FAAP20: variants seen among roughly 807,000 people sequenced by gnomAD.
FAAP20 encodes the protein Fanconi anemia core complex-associated protein 20.
FAAP20 carries 12 observed loss-of-function variants against 16.2 expected under a neutral mutation model. That is an observed-to-expected ratio of 0.74 (90% CI 0.48 to 1.20). The LOEUF is 1.20. Ranked by LOEUF, FAAP20 falls within the 50% of genes most tolerant of loss-of-function variation. FAAP20 has a pLI of 0.00. For synonymous variants in FAAP20, 141 were observed against 110.7 expected (o/e 1.27, Z -1.72); for missense variants, 288 against 245.8 (o/e 1.17, Z -1.15).
downstream of FAAP20, among the ~76,000 whole-genome samples, chr1:2,210,577 G>T (rs920387472): frequency 6.6e-6 from 1 of 152,220 alleles, no homozygotes; most frequent in African/African-American, 2.4e-5. Context: ...GGGGCTGGGT[G>T]GGGGTGGCTC....
chr1:2,204,168 C>T (rs555286200), upstream of FAAP20, among the ~76,000 whole-genome samples: 1 of 152,372 alleles, frequency 6.6e-6, no homozygotes, highest in Admixed American at 6.5e-5. Flanking sequence ...CAGGCCAACA[C>T]CCAGCGGCTG....
downstream of FAAP20, among the ~76,000 whole-genome samples, chr1:2,209,951 ACGCTCACGGGGCCT>A (rs1553187344): frequency 2.6e-5 from 4 of 152,092 alleles, no homozygotes; most frequent in Non-Finnish European, 5.9e-5. Flanking sequence ...GGGCACTGAA[ACGCTCACGGGGCCT>A]CTGTCCCACT....
upstream of FAAP20, chr1:2,201,084 CTG>C (rs1689030594): frequency 2.3e-6 from 3 of 1,289,222 alleles, no homozygotes; most frequent in Admixed American, 4.6e-5. Context: ...TCATAGGAAA[CTG>C]TGCTTGGTGC....
downstream of FAAP20, among the ~76,000 whole-genome samples, chr1:2,188,689 G>C (rs186367800): frequency 2.4e-3 from 367 of 152,292 alleles, 1 homozygote; most frequent in African/African-American, 8.2e-3. Flanking sequence ...AGCTGCAGCT[G>C]CAAGTTCATT....
At chr1:2,194,320 G>A in intron 1 of FAAP20, 187 bp from the exon 2 acceptor site, 1 of 301,700 alleles carries the variant, frequency 3.3e-6, no homozygotes. Context: ...GGAGATGAGG[G>A]GTACTGGGGG....
upstream of FAAP20, chr1:2,198,571 G>C (rs549563412): frequency 1.2e-6 from 1 of 848,124 alleles, no homozygotes; most frequent in Non-Finnish European, 1.6e-6. Context: ...CTAAGACAGC[G>C]GTGACGGGCC....
At chr1:2,189,025 A>C (rs1438348713), downstream of FAAP20, among the ~76,000 whole-genome samples, 3 of 142,672 alleles carry the variant, frequency 2.1e-5, no homozygotes, top group Admixed American at 6.9e-5. Context: ...AAAAAAAAAA[A>C]AAACAAAAAG....
downstream of FAAP20, chr1:2,186,993 G>A: frequency 3.3e-6 from 1 of 302,494 alleles, no homozygotes; most frequent in East Asian, 9.9e-5. Flanking sequence ...AGTGTGGTTT[G>A]AAAAATCCTG....
At chr1:2,211,933 T>G (rs865996842), downstream of FAAP20, among the ~76,000 whole-genome samples, 5 of 138,968 alleles carry the variant, frequency 3.6e-5, no homozygotes, top group African/African-American at 1.1e-4. Flanking sequence ...GACGGAGTCT[T>G]GCTTTGTCGC....
At chr1:2,186,226 T>A (rs927680002), downstream of FAAP20, 1 of 312,070 alleles carries the variant, frequency 3.2e-6, no homozygotes, top group African/African-American at 2.2e-5. Context: ...CAGGGGCCGC[T>A]CCACCCCATT....
At chr1:2,211,665 G>T (rs2100772430), downstream of FAAP20, among the ~76,000 whole-genome samples, 1 of 150,794 alleles carries the variant, frequency 6.6e-6, no homozygotes, top group South Asian at 2.1e-4. Context: ...TAGCCAGGAT[G>T]GTCTCCATCT....
chr1:2,188,973 C>G (rs552427325), downstream of FAAP20, among the ~76,000 whole-genome samples: 1 of 149,304 alleles, frequency 6.7e-6, no homozygotes, highest in East Asian at 2.0e-4. Context: ...CCACTGCACT[C>G]CAGCCTGGGC....
At chr1:2,188,559 G>T (rs1479843040), downstream of FAAP20, among the ~76,000 whole-genome samples, 2 of 152,152 alleles carry the variant, frequency 1.3e-5, no homozygotes, top group Non-Finnish European at 2.9e-5. Context: ...CCATCGAGAG[G>T]CGCCGCCCCG....
At chr1:2,190,010 C>T (rs1688003011) in intron 3 of FAAP20, 5 of 609,614 alleles carry the variant, frequency 8.2e-6, no homozygotes, top group Non-Finnish European at 1.5e-5. Flanking sequence ...CCCCTGCGTC[C>T]GAGCTGGGGG....
chr1:2,193,293 A>C (rs964450049), intron 3 of FAAP20: 2 of 479,176 alleles, frequency 4.2e-6, no homozygotes, highest in Admixed American at 7.4e-5. Context: ...AAAACCCATG[A>C]CGCACTCTCG....
At chr1:2,188,720 C>G (rs1265864326), downstream of FAAP20, among the ~76,000 whole-genome samples, 1 of 151,936 alleles carries the variant, frequency 6.6e-6, no homozygotes, top group Non-Finnish European at 1.5e-5. Flanking sequence ...AAAACACCAC[C>G]GATGGTGGAG....
chr1:2,207,972 G>T (rs887615113), downstream of FAAP20, among the ~76,000 whole-genome samples: 10 of 152,084 alleles, frequency 6.6e-5, no homozygotes, highest in Non-Finnish European at 1.0e-4. Flanking sequence ...GCGCGCGCAT[G>T]CGTGCAGGCA....
upstream of FAAP20, chr1:2,203,646 A>T (rs1406523322): frequency 3.0e-6 from 3 of 985,880 alleles, no homozygotes; most frequent in Admixed American, 1.8e-4. Flanking sequence ...CGGAGGGAAG[A>T]TATCAGGCTG....
downstream of FAAP20, chr1:2,185,349 G>GT: frequency 1.4e-6 from 1 of 718,854 alleles, no homozygotes; most frequent in Non-Finnish European, 2.6e-6. Context: ...CGCCAGGAAA[G>GT]TGAGCGTGTA....
Sources: gnomAD v4.1 joint callset for allele counts (sites outside exome capture counted in the v4.1 genomes callset) on GRCh38, gnomAD v4.1.1 for gene constraint, MANE v1.5 for transcripts, NCBI Gene and HGNC (gene_info 2026-07-23, HGNC 2026-07-21) for gene names.